Variants in SOBP observed in about 807,000 individuals in gnomAD.
SOBP encodes sine oculis-binding protein homolog.
SOBP carries 4 observed loss-of-function variants against 53.6 expected under a neutral mutation model. That is an observed-to-expected ratio of 0.07 (90% confidence interval 0.04 to 0.17). The LOEUF is 0.17. SOBP is among the 10% of genes least tolerant of loss of function. The pLI is 1.00. For synonymous variants in SOBP, 584 were observed against 522.6 expected (o/e 1.12, Z -1.60); for missense variants, 1,088 against 1,204.7 (o/e 0.90, Z 1.43).
chr6:107,515,247 G>C lies in SOBP; in HGVS notation c.421+8820G>C, dbSNP rs145207834. ...TTCTACAAAGAATATTCCAGACCTA[G>C]ATGGCTTCAATGGTAAATTCTGTGA... On this transcript the variant is annotated intron_variant, in intron 3 of 6. Coordinates refer to ENST00000317357, the MANE Select transcript of SOBP (RefSeq NM_018013.4). Among the ~76,000 whole-genome samples the C allele has an allele frequency of 1.3e-4, 20 of 152,276 alleles. No homozygotes were observed. In the East Asian group the frequency reaches 2.1e-3, roughly 16 times the overall value.
chr6:107,656,301 A>AAGAC (rs779859391), intron 6 of SOBP, among the ~76,000 whole-genome samples: 16,094 of 50,234 alleles, frequency 0.32, 1,282 homozygotes, highest in East Asian at 0.49. Context: ...GAAAGAAAGA[A>AAGAC]AGAAAGAAAG....
At chr6:107,500,426 A>G (rs1172790906) in intron 1 of SOBP, among the ~76,000 whole-genome samples, 2 of 151,836 alleles carry the variant, frequency 1.3e-5, no homozygotes, top group African/African-American at 4.8e-5. Flanking sequence ...TTCTTGGATG[A>G]TAACGTTAAA....
chr6:107,600,409 C>T (rs972517785), intron 5 of SOBP, among the ~76,000 whole-genome samples: 1 of 152,124 alleles, frequency 6.6e-6, no homozygotes, highest in East Asian at 1.9e-4. Context: ...TCACTTCATT[C>T]GAGTGGTAGC....
At chr6:107,612,437 C>T (rs1335170312) in intron 5 of SOBP, among the ~76,000 whole-genome samples, 1 of 152,142 alleles carries the variant, frequency 6.6e-6, no homozygotes, top group African/African-American at 2.4e-5. Flanking sequence ...GTTTAGGCTC[C>T]TCTTTGTAGA....
At chr6:107,573,397 T>C (rs1785133125) in intron 4 of SOBP, among the ~76,000 whole-genome samples, 1 of 152,194 alleles carries the variant, frequency 6.6e-6, no homozygotes. Context: ...TTGTGAAATT[T>C]AAGTAACTGT....
intron 3 of SOBP, among the ~76,000 whole-genome samples, chr6:107,517,013 G>C (rs1783340639): frequency 6.6e-6 from 1 of 151,874 alleles, no homozygotes. Context: ...TTAAAAAGTT[G>C]TTTTTTAAAA....
intron 3 of SOBP, among the ~76,000 whole-genome samples, chr6:107,516,242 A>C (rs1334017437): frequency 6.6e-6 from 1 of 152,194 alleles, no homozygotes; most frequent in Non-Finnish European, 1.5e-5. Flanking sequence ...CAGGCAGATC[A>C]CTTGACGACA....
intron 4 of SOBP, among the ~76,000 whole-genome samples, chr6:107,551,348 G>C (rs955654708): frequency 6.6e-6 from 1 of 152,162 alleles, no homozygotes; most frequent in East Asian, 1.9e-4. Flanking sequence ...AAATGGCTTA[G>C]TATGCTATTT....
chr6:107,542,407 C>A (rs1784175192), intron 4 of SOBP, among the ~76,000 whole-genome samples: 2 of 152,106 alleles, frequency 1.3e-5, no homozygotes. Context: ...GCGGAATGAT[C>A]AAGGTGGTGA....
chr6:107,534,078 A>G (rs184366458), intron 4 of SOBP, among the ~76,000 whole-genome samples: 1 of 152,262 alleles, frequency 6.6e-6, no homozygotes, highest in Non-Finnish European at 1.5e-5. Flanking sequence ...CTTGTCAAGA[A>G]AAATGTCAAG....
intron 4 of SOBP, among the ~76,000 whole-genome samples, chr6:107,549,449 G>GAAAAAAA (rs61202616): frequency 6.7e-6 from 1 of 148,638 alleles, no homozygotes. Flanking sequence ...AGAAACTCAG[G>GAAAAAAA]AAAAAAAAAA....
intron 5 of SOBP, chr6:107,621,182 A>C: frequency 1.4e-6 from 1 of 698,666 alleles, no homozygotes; most frequent in Non-Finnish European, 1.8e-6. Context: ...GTGTGTTTAA[A>C]TATATATGAA....
intron 1 of SOBP, among the ~76,000 whole-genome samples, chr6:107,493,480 A>G (rs1299662954): frequency 6.6e-6 from 1 of 152,222 alleles, no homozygotes; most frequent in Non-Finnish European, 1.5e-5. Flanking sequence ...GTGGAGGATC[A>G]GGAGGAGGCC....
At chr6:107,575,300 C>A (rs1277153198) in intron 4 of SOBP, among the ~76,000 whole-genome samples, 1 of 152,162 alleles carries the variant, frequency 6.6e-6, no homozygotes, top group Non-Finnish European at 1.5e-5. Context: ...ATCATTAAAT[C>A]TTATTATTAT....
At chr6:107,553,218 A>G (rs2115014472) in intron 4 of SOBP, among the ~76,000 whole-genome samples, 1 of 152,040 alleles carries the variant, frequency 6.6e-6, no homozygotes, top group South Asian at 2.1e-4. Context: ...TCTCCAGGGA[A>G]TACACATGCA....
chr6:107,520,477 G>C (rs756918508), intron 3 of SOBP, among the ~76,000 whole-genome samples: 1 of 152,170 alleles, frequency 6.6e-6, no homozygotes, highest in Non-Finnish European at 1.5e-5. Flanking sequence ...GACACAATCT[G>C]ATCATGGATT....
chr6:107,607,788 A>G (rs1481498201), intron 5 of SOBP, among the ~76,000 whole-genome samples: 2 of 152,240 alleles, frequency 1.3e-5, no homozygotes, highest in Non-Finnish European at 2.9e-5. Flanking sequence ...AACTAACCAT[A>G]TCAGCATTTC....
intron 1 of SOBP, among the ~76,000 whole-genome samples, chr6:107,494,034 G>A (rs1374648250): frequency 1.3e-5 from 2 of 152,218 alleles, no homozygotes; most frequent in Non-Finnish European, 2.9e-5. Flanking sequence ...ATATCTTCAT[G>A]TAGAAATGTT....
intron 5 of SOBP, among the ~76,000 whole-genome samples, chr6:107,613,556 A>C (rs1051395126): frequency 6.6e-6 from 1 of 152,242 alleles, no homozygotes; most frequent in Non-Finnish European, 1.5e-5. Context: ...GAATTATAGA[A>C]GTAGTAAGTG....
Sources: allele counts gnomAD v4.1 joint callset (sites outside exome capture counted in the v4.1 genomes callset), GRCh38; gene constraint gnomAD v4.1.1; transcripts MANE v1.5; gene names NCBI Gene and HGNC (gene_info 2026-07-23, HGNC 2026-07-21).